Variants in SIM1 observed in about 807,000 individuals in gnomAD.
SIM1 encodes the protein SIM bHLH transcription factor 1.
SIM1 carries 18 observed loss-of-function variants against 78.2 expected under a neutral mutation model. The observed-to-expected ratio is 0.23, with a 90% CI of 0.16 to 0.34. The LOEUF is 0.34. Among genes scored for constraint, SIM1 ranks in the 10% least tolerant of loss-of-function variants. SIM1 has a pLI of 1.00. For missense variants in SIM1, 939 were observed against 975.1 expected, an observed-to-expected ratio of 0.96 and a Z score of 0.49; for synonymous variants, 417 against 385.2, an observed-to-expected ratio of 1.08 and a Z score of -0.97.
At position 100,389,681 on chromosome 6, in the gene SIM1, T is replaced by G. The variant is rs1273240050; in HGVS notation, c.*680A>C. The G allele has an allele frequency of 2.5e-6, 1 of 398,936 alleles. No homozygotes were observed. The highest frequency in any genetic ancestry group is 2.1e-5 in the African/African-American group (1 of 48,634). 24.7% of individuals were successfully genotyped at this position (398,936 alleles called of 1,614,324 possible). ...CAGCGCCATGTCAGTGCAATCCTGG[T>G]CCTTGTCTAACTGAAAAGCAAGGTG... On this transcript the variant is annotated 3_prime_UTR_variant, in exon 12 of 12. Transcript: ENST00000369208.
At chr6:100,425,158 A>T (rs1339407753) in intron 9 of SIM1, among the ~76,000 whole-genome samples, 1 of 151,726 alleles carries the variant, frequency 6.6e-6, no homozygotes, top group East Asian at 1.9e-4. Context: ...CTTCTTCCTC[A>T]TTTTCTCTTG....
chr6:100,396,510 G>C (rs1770771924), intron 10 of SIM1, among the ~76,000 whole-genome samples: 1 of 152,028 alleles, frequency 6.6e-6, no homozygotes, highest in Non-Finnish European at 1.5e-5. Context: ...AGAATTTGAA[G>C]GATAAGCCTC....
intron 2 of SIM1, chr6:100,462,463 G>T (rs930397095): frequency 5.3e-5 from 8 of 152,198 alleles, no homozygotes; most frequent in African/African-American, 1.9e-4. Flanking sequence ...TATGAAAGCT[G>T]CTCTGTCCTC....
chr6:100,405,738 C>T (rs1554220220), intron 10 of SIM1, among the ~76,000 whole-genome samples: 1 of 152,018 alleles, frequency 6.6e-6, no homozygotes, highest in Non-Finnish European at 1.5e-5. Context: ...CCCCACCCCC[C>T]AAAAAAAGTT....
chr6:100,454,241 C>T (rs1772588526), intron 2 of SIM1, among the ~76,000 whole-genome samples: 1 of 152,180 alleles, frequency 6.6e-6, no homozygotes. Context: ...CGAGGCCGAG[C>T]TTGTCCTAAC....
intron 2 of SIM1, among the ~76,000 whole-genome samples, chr6:100,456,491 C>T (rs1772666077): frequency 6.6e-6 from 1 of 152,304 alleles, no homozygotes; most frequent in East Asian, 1.9e-4. Flanking sequence ...TTCGGCGAGG[C>T]CGAGGGAACG....
intron 10 of SIM1, among the ~76,000 whole-genome samples, chr6:100,397,230 G>T (rs569224727): frequency 6.6e-6 from 1 of 152,106 alleles, no homozygotes; most frequent in Non-Finnish European, 1.5e-5. Flanking sequence ...TATTCTAGAG[G>T]CTTCTGAGTT....
At position 100,463,907 on chromosome 6, in the gene SIM1, C is replaced by G. The variant is rs1772921938; in HGVS notation, c.-439G>C. Reference sequence around the variant, plus strand: ...TATCTCCGAGCCCCTTTGGGAAGAGCAGGAACCCCAGACAACTCTTTCAAG... The same window carrying G: ...TATCTCCGAGCCCCTTTGGGAAGAGGAGGAACCCCAGACAACTCTTTCAAG... On this transcript the variant is annotated 5_prime_UTR_variant, in exon 2 of 12. Coordinates refer to ENST00000369208, the MANE Select transcript of SIM1 (RefSeq NM_005068.3). The G allele has an allele frequency of 6.3e-6, 1 of 158,002 alleles. No homozygotes were observed. The highest frequency in any genetic ancestry group is 6.1e-5 in the Admixed American group (1 of 16,320). 9.8% of individuals were successfully genotyped at this position (158,002 alleles called of 1,614,324 possible). A position where few individuals can be genotyped will look rare whatever the true frequency, so the allele number is the denominator to read the frequency against.
intron 10 of SIM1, among the ~76,000 whole-genome samples, chr6:100,394,840 G>T (rs147892045): frequency 6.6e-6 from 1 of 152,228 alleles, no homozygotes; most frequent in African/African-American, 2.4e-5. Flanking sequence ...GTTAATAAAC[G>T]CTTACCTAAT....
At chr6:100,446,963 C>A (rs534904130) in intron 9 of SIM1, among the ~76,000 whole-genome samples, 1 of 152,278 alleles carries the variant, frequency 6.6e-6, no homozygotes, top group South Asian at 2.1e-4. Flanking sequence ...TTTCTTTCTG[C>A]CGCATTAAGT....
At chr6:100,395,345 C>G (rs188834846) in intron 10 of SIM1, among the ~76,000 whole-genome samples, 178 of 152,208 alleles carry the variant, frequency 1.2e-3, no homozygotes, top group Admixed American at 2.1e-3. Context: ...TAATATAGCT[C>G]CATTTAATAC....
chr6:100,386,295 A>C lies in SIM1; in HGVS notation c.*4066T>G, dbSNP rs1027530414. On this transcript the variant is annotated 3_prime_UTR_variant, in exon 12 of 12. Coordinates refer to ENST00000369208, the MANE Select transcript of SIM1 (RefSeq NM_005068.3). Reference sequence around the variant, plus strand: ...TCCACTAGGCCAGGTGAGTGACCCCAAAATGGTCAAATGCTCAATTTTCCA... The same window carrying C: ...TCCACTAGGCCAGGTGAGTGACCCCCAAATGGTCAAATGCTCAATTTTCCA... 5.3e-5 allele frequency: 8 copies of C among 152,054 alleles called. No individual in the cohort carries two copies. The allele number at this position is 152,054 out of a possible 1,614,324, so 9.4% of individuals were successfully genotyped here.
chr6:100,434,064 T>C (rs1193120497), intron 9 of SIM1, among the ~76,000 whole-genome samples: 1 of 152,234 alleles, frequency 6.6e-6, no homozygotes, highest in Non-Finnish European at 1.5e-5. Context: ...GAGACACAAA[T>C]AGAAAAGAGA....
intron 2 of SIM1, chr6:100,462,560 T>TTTC (rs1419809395): frequency 6.6e-6 from 1 of 152,188 alleles, no homozygotes; most frequent in African/African-American, 2.4e-5. Context: ...ATAAGACAAT[T>TTTC]TTCTCAGGAT....
intron 9 of SIM1, among the ~76,000 whole-genome samples, chr6:100,435,190 A>T (rs1772011993): frequency 6.6e-6 from 1 of 152,172 alleles, no homozygotes; most frequent in Non-Finnish European, 1.5e-5. Flanking sequence ...ACCCCATATT[A>T]AAAAAGAGAG....
chr6:100,411,830 C>A (rs1186982510), intron 10 of SIM1, among the ~76,000 whole-genome samples: 1 of 152,010 alleles, frequency 6.6e-6, no homozygotes, highest in African/African-American at 2.4e-5. Flanking sequence ...AAAGAGGTGG[C>A]ACTCAATCTG....
chr6:100,417,261 C>T (rs1437364197), intron 10 of SIM1, among the ~76,000 whole-genome samples: 6 of 152,308 alleles, frequency 3.9e-5, no homozygotes, highest in East Asian at 3.9e-4. Flanking sequence ...GTCCATATTG[C>T]TTACACCACC....
chr6:100,430,819 C>G (rs1347074747), intron 9 of SIM1, among the ~76,000 whole-genome samples: 1 of 152,098 alleles, frequency 6.6e-6, no homozygotes, highest in Non-Finnish European at 1.5e-5. Flanking sequence ...AAAACTGATT[C>G]CTAAACCCTA....
chr6:100,449,319 C>T (rs370229882), intron 6 of SIM1, 44 bp downstream of exon 6: 1 of 1,542,354 alleles, frequency 6.5e-7, no homozygotes, highest in Non-Finnish European at 9.0e-7. Context: ...CCTTGCTTCC[C>T]GCCTCCTCTG....
Sources: allele counts gnomAD v4.1 joint callset (sites outside exome capture counted in the v4.1 genomes callset), GRCh38; gene constraint gnomAD v4.1.1; transcripts MANE v1.5; gene names NCBI Gene and HGNC (gene_info 2026-07-23, HGNC 2026-07-21).